Variants in SLC18A1 observed in about 807,000 individuals in gnomAD.
SLC18A1 encodes solute carrier family 18 member A1, also known as chromaffin granule amine transporter.
Under a neutral mutation model 53.7 loss-of-function variants are expected in SLC18A1, and 69 were observed. That is an observed-to-expected ratio of 1.28 (90% CI 1.06 to 1.57). The LOEUF is 1.57. SLC18A1 is among the 40% of genes most tolerant of loss of function. The pLI is 0.00. For synonymous variants in SLC18A1, 320 were observed against 248.1 expected, an observed-to-expected ratio of 1.29 and a Z score of -2.72; for missense variants, 932 against 668.1, an observed-to-expected ratio of 1.40 and a Z score of -4.35.
intron 10 of SLC18A1, among the ~76,000 whole-genome samples, chr8:20,159,908 C>G (rs899381412): frequency 7.9e-5 from 12 of 152,188 alleles, no homozygotes; most frequent in African/African-American, 2.9e-4. Flanking sequence ...ATGCCACACC[C>G]CCAGCGTGGT....
chr8:20,180,108 T>TTGTGTGTGTGTGTG (rs112531759), intron 2 of SLC18A1, among the ~76,000 whole-genome samples: 2,585 of 146,144 alleles, frequency 0.018, 76 homozygotes, highest in African/African-American at 0.061. Flanking sequence ...AAGATTATAA[T>TTGTGTGTGTGTGTG]TGTGTGTGTG....
At chr8:20,182,706 C>T (rs922915095) in intron 1 of SLC18A1, among the ~76,000 whole-genome samples, 4 of 152,190 alleles carry the variant, frequency 2.6e-5, no homozygotes, top group South Asian at 4.1e-4. Context: ...TACATATTAA[C>T]GTGACCAAGG....
Position 20,148,013 on chromosome 8 carries a change from C to T in SLC18A1, c.1204G>A (p.Ala402Thr), listed in dbSNP as rs1009356862. 6.2e-6 allele frequency: 10 copies of T among 1,614,034 alleles called. No homozygotes were observed. The highest frequency in any genetic ancestry group is 8.5e-6 in the Non-Finnish European group (10 of 1,179,974). The change falls in exon 13 of 16, where the codon GCC (alanine) becomes ACC (threonine). Residue 402 changes from alanine (A) to threonine (T), a missense_variant. By Grantham distance (58) the Ala-to-Thr change is moderately conservative. Coordinates refer to ENST00000276373, the MANE Select transcript of SLC18A1 (RefSeq NM_003053.4). Reference sequence around the variant, plus strand: ...CTTTGAGGGCACTTCTTACCTATGGCAAGGCCAAGCCCTGCATTGGGGCCA... The same window carrying T: ...CTTTGAGGGCACTTCTTACCTATGGTAAGGCCAAGCCCTGCATTGGGGCCA... Reference protein sequence around the residue: ...LIGPNAGLGLAIGMVDSSMMP... With the variant: ...LIGPNAGLGLTIGMVDSSMMP...
chr8:20,170,766 T>C (rs935163213), intron 8 of SLC18A1, among the ~76,000 whole-genome samples: 9 of 151,974 alleles, frequency 5.9e-5, no homozygotes, highest in African/African-American at 2.2e-4. Flanking sequence ...TGTGCACATA[T>C]ATATATATAT....
At chr8:20,158,627 C>T (rs1334307068) in intron 10 of SLC18A1, among the ~76,000 whole-genome samples, 1 of 152,148 alleles carries the variant, frequency 6.6e-6, no homozygotes, top group African/African-American at 2.4e-5. Context: ...AAGCCCAAGG[C>T]CTTGTAAAAC....
At chr8:20,149,823 A>C in intron 11 of SLC18A1, 96 bp from the exon 12 acceptor site, 3 of 1,150,388 alleles carry the variant, frequency 2.6e-6, no homozygotes, top group Non-Finnish European at 3.9e-6. Flanking sequence ...ACCAGCCCTA[A>C]TCCCAGCAAC....
chr8:20,179,753 T>C (rs146594009), intron 2 of SLC18A1, among the ~76,000 whole-genome samples: 1 of 152,366 alleles, frequency 6.6e-6, no homozygotes, highest in East Asian at 1.9e-4. Context: ...CTAAAGTAGC[T>C]AAATTCTGAC....
At chr8:20,151,812 A>T (rs1019845645) in intron 10 of SLC18A1, among the ~76,000 whole-genome samples, 1 of 152,100 alleles carries the variant, frequency 6.6e-6, no homozygotes, top group Non-Finnish European at 1.5e-5. Flanking sequence ...TCATTCATTC[A>T]TTCATTCATT....
At chr8:20,180,807 A>C in intron 2 of SLC18A1, 34 bp downstream of exon 2, 1 of 1,612,122 alleles carries the variant, frequency 6.2e-7, no homozygotes, top group Non-Finnish European at 8.5e-7. Flanking sequence ...GCCCACAGCA[A>C]ATTAACCCTC....
intron 4 of SLC18A1, chr8:20,175,467 A>C (rs141445522): frequency 6.6e-6 from 1 of 152,228 alleles, no homozygotes; most frequent in South Asian, 2.1e-4. Flanking sequence ...TTTTATGTTC[A>C]GAGATTGCAG....
intron 14 of SLC18A1, 72 bp downstream of exon 14, chr8:20,147,531 G>A: frequency 6.2e-7 from 1 of 1,601,926 alleles, no homozygotes; most frequent in Non-Finnish European, 8.5e-7. Flanking sequence ...TAGGAGGATA[G>A]CTTCCTGGCT....
At chr8:20,172,586 C>G (rs759512078) in intron 6 of SLC18A1, among the ~76,000 whole-genome samples, 1 of 152,152 alleles carries the variant, frequency 6.6e-6, no homozygotes, top group Admixed American at 6.5e-5. Flanking sequence ...GAGTCTGTAT[C>G]CTGGCTGTGG....
Position 20,171,401 on chromosome 8 carries a change from T to A in SLC18A1, c.814+4A>T. On this transcript the variant is annotated splice_donor_region_variant and intron_variant, in intron 7 of 15. Transcript: ENST00000276373. ...ACCTGCTGGAGGCTCTGATGGTGAC[T>A]TACCTCCATCCAGTAGTGCCAGGAA... 1 of 1,611,666 alleles carries A rather than the reference T, an allele frequency of 6.2e-7. No individual in the cohort carries two copies. Among genetic ancestry groups the A allele is most frequent in the Non-Finnish European group, 8.5e-7 (1 of 1,177,846 alleles).
intron 10 of SLC18A1, among the ~76,000 whole-genome samples, chr8:20,164,373 C>T (rs763961856): frequency 3.3e-5 from 5 of 152,088 alleles, no homozygotes; most frequent in Non-Finnish European, 7.4e-5. Flanking sequence ...AAAGGGTAGT[C>T]TTGAGGATGA....
At chr8:20,149,844 C>G in intron 11 of SLC18A1, 117 bp from the exon 12 acceptor site, 1 of 856,640 alleles carries the variant, frequency 1.2e-6, no homozygotes, top group Non-Finnish European at 1.9e-6. Context: ...CCCTTAGGAC[C>G]TGAGGACAGC....
chr8:20,180,955 T>C lies in SLC18A1; in HGVS notation c.10A>G (p.Thr4Ala), dbSNP rs2270641. The C allele has an allele frequency of 6.3e-7, 1 of 1,575,246 alleles. No individual in the cohort carries two copies. Among genetic ancestry groups the C allele is most frequent in the Non-Finnish European group, 8.6e-7 (1 of 1,161,496 alleles). Residue 4 changes from threonine (T) to alanine (A), a missense_variant, in exon 2 of 16, where the codon ACC becomes GCC. Transcript: ENST00000276373. The stretch of plus-strand genomic sequence containing the variant: ...AACCGCTGGGGAGCATCCAGAATGG[T>C]CCGGAGCATGGTGATGGCCGGACTG... Reference protein sequence around the residue: MLRTILDAPQRLLK... With the variant: MLRAILDAPQRLLK...
chr8:20,150,642 G>A (rs370979139), intron 11 of SLC18A1, 24 bp downstream of exon 11: 27 of 1,601,152 alleles, frequency 1.7e-5, no homozygotes, highest in South Asian at 4.4e-5. Context: ...TCTACTGTTC[G>A]TCCCAGATCC....
intron 10 of SLC18A1, among the ~76,000 whole-genome samples, chr8:20,155,519 C>G (rs1239038269): frequency 6.6e-6 from 1 of 152,122 alleles, no homozygotes; most frequent in East Asian, 1.9e-4. Flanking sequence ...GCTGTCATCC[C>G]AAACTCCGGG....
chr8:20,151,959 C>CA (rs1043867046), intron 10 of SLC18A1, among the ~76,000 whole-genome samples: 7 of 152,174 alleles, frequency 4.6e-5, no homozygotes, highest in African/African-American at 7.2e-5. Context: ...AACAAATACA[C>CA]AAAAAAGATA....
Sources: gnomAD v4.1 joint callset for allele counts (sites outside exome capture counted in the v4.1 genomes callset) on GRCh38, gnomAD v4.1.1 for gene constraint, MANE v1.5 for transcripts, NCBI Gene and HGNC (gene_info 2026-07-23, HGNC 2026-07-21) for gene names.